MYBPC1: variants seen among roughly 807,000 people sequenced by gnomAD.
MYBPC1 encodes myosin-binding protein C, slow-type.
Under a neutral mutation model 147.1 loss-of-function variants are expected in MYBPC1, and 52 were observed. The ratio of observed to expected loss-of-function variants is 0.35; its 90% CI spans 0.28 to 0.45. The LOEUF (loss-of-function observed/expected upper bound fraction) is 0.45. MYBPC1 is among the 20% of genes least tolerant of loss of function. The pLI, the probability that MYBPC1 is intolerant of heterozygous loss-of-function variation, is 1.00. For missense variants in MYBPC1, 1,228 were observed against 1,440.3 expected (o/e 0.85, Z 2.39); for synonymous variants, 477 against 475.9 (o/e 1.00, Z -0.03).
rs141958251 is a variant in MYBPC1 at position 101,635,427 on chromosome 12, G to A, written c.608+822G>A. Among the ~76,000 whole-genome samples, 42 of 152,070 alleles carry A rather than the reference G, an allele frequency of 2.8e-4. No individual in the cohort carries two copies. The East Asian group carries it at 7.5e-3, about 27-fold the overall frequency. The stretch of plus-strand genomic sequence containing the variant: ...AACAATAATTTAGCCTGTTAATGAG[G>A]CATATTTTCCTCTGATATTATAAAT... On this transcript the variant is annotated intron_variant, in intron 9 of 31. Transcript: ENST00000361466.
At chr12:101,678,483 C>T (rs1257342381) in intron 28 of MYBPC1, among the ~76,000 whole-genome samples, 1 of 152,212 alleles carries the variant, frequency 6.6e-6, no homozygotes. Flanking sequence ...AAAAGAACAT[C>T]TCCTGTGTAA....
At chr12:101,596,195 A>G (rs1288875773) in intron 1 of MYBPC1, among the ~76,000 whole-genome samples, 2 of 152,178 alleles carry the variant, frequency 1.3e-5, no homozygotes, top group Non-Finnish European at 2.9e-5. Flanking sequence ...TTTTAAACAT[A>G]TTTTCTTTAT....
Position 101,627,791 on chromosome 12 carries a change from G to C in MYBPC1, c.165G>C (p.Glu55Asp), listed in dbSNP as rs1211852356. The change falls in exon 5 of 32, where the codon GAG becomes GAC. Residue 55 changes from glutamate (E) to aspartate (D), a missense_variant. By Grantham distance (45) the Glu-to-Asp change is conservative. This residue lies in a region of MYBPC1 where 151 missense variants were observed against 126.1 expected (regional missense o/e 1.20). Transcript: ENST00000361466. Reference sequence around the variant, plus strand: ...CAGGTTTGGGTAGTCGGGCCCTGGAGAGAAAAGATTCAGGTGAGCGCAAGC... The same window carrying C: ...CAGGTTTGGGTAGTCGGGCCCTGGACAGAAAAGATTCAGGTGAGCGCAAGC... ...LPPGLGSRAL[E>D]RKDSDWTLVE... is the part of the protein sequence containing the mutation. 15 of 1,613,942 alleles carry C rather than the reference G, an allele frequency of 9.3e-6. No homozygotes were observed. Among genetic ancestry groups the C allele is most frequent in the Non-Finnish European group, 1.3e-5 (15 of 1,179,896 alleles).
intron 1 of MYBPC1, among the ~76,000 whole-genome samples, chr12:101,607,570 A>G (rs1363437671): frequency 1.3e-5 from 2 of 152,222 alleles, no homozygotes; most frequent in Non-Finnish European, 1.5e-5. Flanking sequence ...GAAAGCCACA[A>G]AAACAGAACT....
intron 3 of MYBPC1, among the ~76,000 whole-genome samples, chr12:101,626,311 T>TAA (rs1465476349): frequency 6.6e-6 from 1 of 152,178 alleles, no homozygotes; most frequent in Non-Finnish European, 1.5e-5. Flanking sequence ...TCAGAAATGA[T>TAA]ACAGCATTTT....
chr12:101,677,344 T>C lies in MYBPC1; in HGVS notation c.3059T>C (p.Leu1020Pro). 1.9e-6 allele frequency: 3 copies of C among 1,614,092 alleles called. No homozygotes were observed. The highest frequency in any genetic ancestry group is 2.5e-6 in the Non-Finnish European group (3 of 1,179,990). Residue 1020 changes from leucine to proline, a missense_variant, in exon 27 of 32, where the codon CTC (leucine) becomes CCC (proline). This residue lies in a region of MYBPC1 where 1,077 missense variants were observed against 1,314.2 expected (regional missense o/e 0.82). Coordinates refer to ENST00000361466, the MANE Select transcript of MYBPC1 (RefSeq NM_002465.4). ...FRVFSENMCG[L>P]SEDATMTKES... ...GTCTTTTCTGAAAACATGTGTGGCCTCAGTGAGGATGCCACCATGACTAAA... is the reference window on the plus strand; with the variant it reads ...GTCTTTTCTGAAAACATGTGTGGCCCCAGTGAGGATGCCACCATGACTAAA...
chr12:101,670,534 T>C (rs1394730345), intron 24 of MYBPC1, 125 bp downstream of exon 24: 2 of 843,180 alleles, frequency 2.4e-6, no homozygotes, highest in African/African-American at 3.3e-5. Flanking sequence ...AGGAGGTAAA[T>C]AAAGAATGAA....
intron 17 of MYBPC1, 152 bp from the exon 18 acceptor site, chr12:101,652,963 G>T: frequency 8.4e-7 from 1 of 1,186,310 alleles, no homozygotes; most frequent in Non-Finnish European, 1.2e-6. Context: ...AAATGGTTTT[G>T]CAAGGTGCCA....
rs1565983114 is a variant in MYBPC1, at chr12:101,663,539, C to T, written c.2335C>T (p.Leu779=). Reference sequence around the variant, plus strand: ...TGCAGCAGGTTTAGATGGCTATGTGCTAGAGTATTGCTTTGAAGGAAGTAA... The same window carrying T: ...TGCAGCAGGTTTAGATGGCTATGTGTTAGAGTATTGCTTTGAAGGAAGTAA... ...IGAAGLDGYV[L]EYCFEGTEDW... is the part of the protein sequence containing the mutation. Residue 779 remains leucine, a synonymous_variant, in exon 22 of 32, where the codon CTA becomes TTA. Coordinates refer to ENST00000361466, the MANE Select transcript of MYBPC1 (RefSeq NM_002465.4). The T allele has an allele frequency of 3.1e-6, 5 of 1,613,978 alleles. No homozygotes were observed. The highest frequency in any genetic ancestry group is 4.2e-6 in the Non-Finnish European group (5 of 1,179,988).
rs1048608555 is a variant in MYBPC1 at position 101,634,491 on chromosome 12, G to A, written c.557-63G>A. ...CTAAAGAATCCCCACAGCCTATAAA[G>A]GAACTGAACACAAACTACCTCCTTA... On this transcript the variant is annotated intron_variant, in intron 8 of 31. Coordinates refer to ENST00000361466, the MANE Select transcript of MYBPC1 (RefSeq NM_002465.4). The A allele has an allele frequency of 2.4e-5, 32 of 1,324,292 alleles. No individual in the cohort carries two copies. The African/African-American group carries it at 3.5e-4, about 14-fold the overall frequency. 82.0% of individuals were successfully genotyped at this position (1,324,292 alleles called of 1,614,324 possible). A position where few individuals can be genotyped will look rare whatever the true frequency, so the allele number is the denominator to read the frequency against.
At chr12:101,675,495 A>T (rs1191637454) in intron 26 of MYBPC1, 64 bp downstream of exon 26, 12 of 1,607,546 alleles carry the variant, frequency 7.5e-6, no homozygotes, top group Non-Finnish European at 6.8e-6. Context: ...GGTAAAGGAG[A>T]TGGCACAAGG....
intron 4 of MYBPC1, 64 bp from the exon 5 acceptor site, chr12:101,627,705 T>C (rs1888934570): frequency 2.6e-6 from 4 of 1,566,848 alleles, no homozygotes; most frequent in African/African-American, 1.4e-5. Context: ...AAGGTTGAAG[T>C]CAGCACTCCA....
At position 101,675,436 on chromosome 12, in the gene MYBPC1, G is replaced by C; in HGVS notation, c.2949+5G>C. On this transcript the variant is annotated splice_donor_5th_base_variant and intron_variant, in intron 26 of 31. Transcript: ENST00000361466. ...AAGGCTGACAAGAAGAGCATGGTAA[G>C]GTCTGGCTTTCTCTGGTTCATCAGT... The C allele has an allele frequency of 6.2e-7, 1 of 1,614,124 alleles. No individual in the cohort carries two copies. The highest frequency in any genetic ancestry group is 1.3e-5 in the African/African-American group (1 of 75,034).
At chr12:101,616,340 C>T (rs1264654852) in intron 2 of MYBPC1, among the ~76,000 whole-genome samples, 1 of 152,178 alleles carries the variant, frequency 6.6e-6, no homozygotes, top group Non-Finnish European at 1.5e-5. Flanking sequence ...TATAAACAAA[C>T]CTTTCCCTTC....
intron 26 of MYBPC1, among the ~76,000 whole-genome samples, chr12:101,676,035 A>T (rs927096817): frequency 6.6e-6 from 1 of 152,238 alleles, no homozygotes; most frequent in African/African-American, 2.4e-5. Flanking sequence ...ATGGCTTTGA[A>T]TGCAGCCCAA....
chr12:101,666,890 T>TACACACACACACAC (rs148269135), intron 22 of MYBPC1: 6 of 464,470 alleles, frequency 1.3e-5, no homozygotes, highest in African/African-American at 8.6e-5. Flanking sequence ...ACTCATCACA[T>TACACACACACACAC]ACATACACAC....
At chr12:101,601,396 A>G (rs1358652183) in intron 1 of MYBPC1, among the ~76,000 whole-genome samples, 1 of 152,232 alleles carries the variant, frequency 6.6e-6, no homozygotes, top group Admixed American at 6.5e-5. Flanking sequence ...AGATGTTCCC[A>G]TTCATGGGAC....
intron 10 of MYBPC1, 147 bp downstream of exon 10, chr12:101,636,875 TAGAA>T: frequency 1.5e-6 from 1 of 685,522 alleles, no homozygotes; most frequent in Admixed American, 2.4e-5. Flanking sequence ...CAGAGTTGAC[TAGAA>T]AGAGAGAAAC....
chr12:101,653,706 G>A (rs1894995986), intron 18 of MYBPC1, among the ~76,000 whole-genome samples: 1 of 151,988 alleles, frequency 6.6e-6, no homozygotes, highest in Non-Finnish European at 1.5e-5. Flanking sequence ...ATTTCCATAC[G>A]GAGGCAATTA....
Sources: gnomAD v4.1 joint callset for allele counts (sites outside exome capture counted in the v4.1 genomes callset) on GRCh38, gnomAD v4.1.1 for gene constraint, gnomAD v4.1.1 regional missense constraint, MANE v1.5 for transcripts, NCBI Gene and HGNC (gene_info 2026-07-23, HGNC 2026-07-21) for gene names.